The following RALYL variants were observed in gnomAD, a reference collection of about 807,000 sequenced individuals.
RALYL encodes RALY RNA binding protein like.
A neutral mutation model predicts 35.1 loss-of-function variants in RALYL; 29 were observed. The ratio of observed to expected loss-of-function variants is 0.83; its 90% confidence interval spans 0.61 to 1.13. The LOEUF (loss-of-function observed/expected upper bound fraction) is 1.13, where lower values mean the gene tolerates loss of function less well. RALYL is among the 50% of genes most tolerant of loss of function. RALYL has a pLI of 0.00. For missense variants in RALYL, 359 were observed against 360.4 expected (o/e 1.00, Z 0.03); for synonymous variants, 120 against 127.6 (o/e 0.94, Z 0.40).
intron 1 of RALYL, among the ~76,000 whole-genome samples, chr8:84,263,118 CAAATA>C (rs149571096): frequency 0.012 from 1,844 of 152,128 alleles, 51 homozygotes; most frequent in African/African-American, 0.042. Flanking sequence ...TGAATATATG[CAAATA>C]AAATAAAGAT....
intron 1 of RALYL, among the ~76,000 whole-genome samples, chr8:84,466,701 T>G (rs1354490606): frequency 1.3e-5 from 2 of 152,040 alleles, no homozygotes; most frequent in African/African-American, 4.8e-5. Flanking sequence ...TTGATTAGAA[T>G]AGTTTCAGAA....
chr8:84,863,660 GAGAT>G (rs2135086092), intron 6 of RALYL, among the ~76,000 whole-genome samples: 1 of 152,208 alleles, frequency 6.6e-6, no homozygotes, highest in East Asian at 1.9e-4. Flanking sequence ...GCACTATACT[GAGAT>G]AGAATCACTA....
intron 1 of RALYL, among the ~76,000 whole-genome samples, chr8:84,186,577 G>A (rs140387253): frequency 4.5e-4 from 68 of 152,268 alleles, no homozygotes; most frequent in Non-Finnish European, 8.4e-4. Flanking sequence ...GGTTGAGGTA[G>A]TATGTGGTTT....
At chr8:84,654,108 G>A (rs1588784399) in intron 2 of RALYL, among the ~76,000 whole-genome samples, 1 of 148,232 alleles carries the variant, frequency 6.7e-6, no homozygotes, top group East Asian at 2.1e-4. Flanking sequence ...TACACACATA[G>A]TAGATATCCA....
chr8:84,871,004 C>T (rs770853328), intron 6 of RALYL, among the ~76,000 whole-genome samples: 8 of 152,184 alleles, frequency 5.3e-5, no homozygotes, highest in Non-Finnish European at 8.8e-5. Context: ...GCTGCCCCCC[C>T]ATTCTAAGAG....
At chr8:84,700,779 G>A (rs1252108778) in intron 2 of RALYL, among the ~76,000 whole-genome samples, 1 of 152,078 alleles carries the variant, frequency 6.6e-6, no homozygotes, top group African/African-American at 2.4e-5. Flanking sequence ...AATGGATGTG[G>A]GTCCAGATCT....
At chr8:84,820,767 T>C (rs1375053279) in intron 4 of RALYL, among the ~76,000 whole-genome samples, 1 of 152,092 alleles carries the variant, frequency 6.6e-6, no homozygotes, top group Non-Finnish European at 1.5e-5. Context: ...TGTGTTCTCA[T>C]TGGAACATGA....
At chr8:84,251,126 T>C (rs987791205) in intron 1 of RALYL, among the ~76,000 whole-genome samples, 41 of 152,238 alleles carry the variant, frequency 2.7e-4, no homozygotes, top group Admixed American at 1.2e-3. Context: ...CTTTTTTACT[T>C]CCTACACTCT....
At chr8:84,658,893 C>T (rs917078019) in intron 2 of RALYL, among the ~76,000 whole-genome samples, 2 of 151,886 alleles carry the variant, frequency 1.3e-5, no homozygotes, top group East Asian at 3.9e-4. Context: ...TCTCAGTTTG[C>T]GGCTGGATAT....
intron 1 of RALYL, among the ~76,000 whole-genome samples, chr8:84,466,983 G>A (rs974410231): frequency 1.6e-3 from 246 of 152,206 alleles, no homozygotes; most frequent in Middle Eastern, 3.4e-3. Context: ...GGGATCGGTG[G>A]TGATATCCCC....
chr8:84,860,890 GCTTCC>G (rs1026816667), intron 5 of RALYL, among the ~76,000 whole-genome samples: 5 of 151,992 alleles, frequency 3.3e-5, no homozygotes, highest in Admixed American at 3.3e-4. Flanking sequence ...TGCTTTTTGC[GCTTCC>G]CTCACCTCAC....
intron 4 of RALYL, among the ~76,000 whole-genome samples, chr8:84,843,597 C>G (rs1395038838): frequency 6.6e-6 from 1 of 152,180 alleles, no homozygotes; most frequent in East Asian, 1.9e-4. Context: ...TGACTTTCTT[C>G]ACAGAATTGG....
intron 1 of RALYL, among the ~76,000 whole-genome samples, chr8:84,314,191 A>G (rs1843328083): frequency 6.6e-6 from 1 of 152,132 alleles, no homozygotes. Context: ...TATCAAGGGT[A>G]CAACATGGGG....
intron 2 of RALYL, among the ~76,000 whole-genome samples, chr8:84,574,331 G>A (rs148484080): frequency 6.6e-6 from 1 of 151,958 alleles, no homozygotes; most frequent in African/African-American, 2.4e-5. Context: ...AGCTCCCACA[G>A]TTGTTCTTTG....
chr8:84,632,191 C>T (rs2131258661), intron 2 of RALYL, among the ~76,000 whole-genome samples: 1 of 152,024 alleles, frequency 6.6e-6, no homozygotes, highest in Non-Finnish European at 1.5e-5. Flanking sequence ...TCATAAGACA[C>T]AGAATCTGCC....
At chr8:84,909,492 G>A (rs73688633) in intron 8 of RALYL, among the ~76,000 whole-genome samples, 7,567 of 152,222 alleles carry the variant, frequency 0.05, 256 homozygotes, top group African/African-American at 0.073. Context: ...AGCATTAGCT[G>A]CTAAATATAA....
In RALYL at chr8:84,840,629, G is replaced by T. The variant is rs370526045; in HGVS notation, c.366-9351G>T. ...GAAATACAGAGAACGCCACAAAGAT[G>T]CTACTTGAGAAGAGCAACTCCAAGA... On this transcript the variant is annotated intron_variant, in intron 4 of 8. Transcript: ENST00000521268. 3.0e-3 allele frequency among the ~76,000 whole-genome samples: 449 copies of T among 152,202 alleles called. 1 individual carries two copies. Among genetic ancestry groups the T allele is most frequent in the African/African-American group, 0.011 (437 of 41,528 alleles).
At chr8:84,299,663 T>A (rs1386399115) in intron 1 of RALYL, among the ~76,000 whole-genome samples, 2 of 152,070 alleles carry the variant, frequency 1.3e-5, no homozygotes, top group Non-Finnish European at 2.9e-5. Flanking sequence ...TTGCTCTGAT[T>A]AGAATTTCAA....
chr8:84,224,320 A>T (rs901340326), intron 1 of RALYL, among the ~76,000 whole-genome samples: 1 of 152,154 alleles, frequency 6.6e-6, no homozygotes, highest in African/African-American at 2.4e-5. Flanking sequence ...AAAAAGGTGG[A>T]TGGTGTCACT....
Sources: gnomAD v4.1 joint callset for allele counts (sites outside exome capture counted in the v4.1 genomes callset) on GRCh38, gnomAD v4.1.1 for gene constraint, MANE v1.5 for transcripts, NCBI Gene and HGNC (gene_info 2026-07-23, HGNC 2026-07-21) for gene names.